Variants in PTPRD observed in about 807,000 individuals in gnomAD.
PTPRD encodes the protein protein tyrosine phosphatase receptor type D.
In PTPRD, 34 loss-of-function variants were observed where a neutral mutation model predicts 214.5. The ratio of observed to expected loss-of-function variants is 0.16; its 90% CI spans 0.12 to 0.21. PTPRD has a LOEUF of 0.21. PTPRD is among the 10% of genes least tolerant of loss of function. The probability of loss-of-function intolerance (pLI) is 1.00; values close to 1 mark genes in which losing one functional copy is unlikely to be tolerated. For missense variants in PTPRD, 2,545 were observed against 2,398.7 expected, an observed-to-expected ratio of 1.06 and a Z score of -1.27; for synonymous variants, 1,128 against 845.7, an observed-to-expected ratio of 1.33 and a Z score of -5.79.
At chr9:8,595,632 T>C (rs928079861) in intron 14 of PTPRD, among the ~76,000 whole-genome samples, 2 of 152,180 alleles carry the variant, frequency 1.3e-5, no homozygotes, top group Non-Finnish European at 2.9e-5. Context: ...GCTTAGAAAG[T>C]TTAGTTTTGT....
At chr9:8,832,559 G>C (rs112527739) in intron 11 of PTPRD, among the ~76,000 whole-genome samples, 141 of 152,022 alleles carry the variant, frequency 9.3e-4, no homozygotes, top group African/African-American at 3.3e-3. Flanking sequence ...ACTGAACGAG[G>C]TCACAATATA....
chr9:8,784,186 A>G (rs2095848516), intron 11 of PTPRD, among the ~76,000 whole-genome samples: 1 of 152,198 alleles, frequency 6.6e-6, no homozygotes, highest in African/African-American at 2.4e-5. Context: ...TGCCAAGCTA[A>G]TAATGGCTTC....
chr9:9,795,833 G>T (rs1234284124), intron 5 of PTPRD, among the ~76,000 whole-genome samples: 3 of 151,882 alleles, frequency 2.0e-5, no homozygotes, highest in Non-Finnish European at 4.4e-5. Flanking sequence ...GGGAGTTCCA[G>T]ACTAAACAGT....
intron 9 of PTPRD, among the ~76,000 whole-genome samples, chr9:9,332,621 C>A (rs752779090): frequency 4.6e-5 from 7 of 151,018 alleles, no homozygotes; most frequent in Non-Finnish European, 8.9e-5. Flanking sequence ...AGTCTCTCCC[C>A]AGGATTACGT....
intron 2 of PTPRD, among the ~76,000 whole-genome samples, chr9:10,415,063 C>T (rs551320194): frequency 6.6e-6 from 1 of 151,490 alleles, no homozygotes; most frequent in South Asian, 2.1e-4. Flanking sequence ...ACATAACAAA[C>T]CTGCACATAT....
chr9:8,595,081 T>G (rs1356033834), intron 14 of PTPRD, among the ~76,000 whole-genome samples: 1 of 151,742 alleles, frequency 6.6e-6, no homozygotes, highest in African/African-American at 2.4e-5. Flanking sequence ...GCCAAAATGG[T>G]CTAGATCTCC....
At chr9:8,698,673 G>A (rs978515182) in intron 12 of PTPRD, among the ~76,000 whole-genome samples, 9 of 152,172 alleles carry the variant, frequency 5.9e-5, no homozygotes, top group South Asian at 4.2e-4. Flanking sequence ...TACACCTGCC[G>A]CCTCATGGTG....
chr9:9,629,003 C>T (rs1361358902), intron 7 of PTPRD, among the ~76,000 whole-genome samples: 1 of 151,558 alleles, frequency 6.6e-6, no homozygotes, highest in Non-Finnish European at 1.5e-5. Context: ...GAAACCCCAT[C>T]TCTACCAAAA....
At chr9:10,482,137 C>T (rs887853565) in intron 2 of PTPRD, among the ~76,000 whole-genome samples, 15 of 152,076 alleles carry the variant, frequency 9.9e-5, no homozygotes, top group South Asian at 4.2e-4. Context: ...TTTGGGAGGC[C>T]CAGGCGGGAG....
At chr9:9,212,921 G>A (rs1470657793) in intron 9 of PTPRD, among the ~76,000 whole-genome samples, 1 of 152,084 alleles carries the variant, frequency 6.6e-6, no homozygotes, top group Non-Finnish European at 1.5e-5. Context: ...CGTGCCTTTG[G>A]TTTATCACTG....
rs911149304 is a variant in PTPRD at position 9,427,645 on chromosome 9, T to C, written c.-236-30163A>G. 3.4e-4 allele frequency among the ~76,000 whole-genome samples: 52 copies of C among 152,062 alleles called. 1 individual carries two copies. Among genetic ancestry groups the C allele is most frequent in the African/African-American group, 1.2e-3 (48 of 41,382 alleles). On this transcript the variant is annotated intron_variant, in intron 8 of 45. Transcript: ENST00000381196. ...CAAAGTTGAAAAGAAGGAGAAAATG[T>C]TAAGGGCAGCCAGAGAGAAAGGTTG...
chr9:8,600,400 G>C (rs1331063631), intron 14 of PTPRD, among the ~76,000 whole-genome samples: 1 of 152,112 alleles, frequency 6.6e-6, no homozygotes, highest in Non-Finnish European at 1.5e-5. Flanking sequence ...TGGACTGGAG[G>C]GGCATGTAAC....
chr9:9,871,585 C>A (rs2065444517), intron 5 of PTPRD, among the ~76,000 whole-genome samples: 1 of 151,532 alleles, frequency 6.6e-6, no homozygotes, highest in Non-Finnish European at 1.5e-5. Context: ...AGATTATCTT[C>A]TGGAAAGGGG....
chr9:10,480,268 G>A lies in PTPRD; in HGVS notation c.-600+132130C>T, dbSNP rs555588201. ...GCACATATCTAATTTTCTCAAACAT[G>A]ACTTTGAGGGTCACAAGTTCTATCC... On this transcript the variant is annotated intron_variant, in intron 2 of 45. Coordinates refer to ENST00000381196, the MANE Select transcript of PTPRD (RefSeq NM_002839.4). Among the ~76,000 whole-genome samples, 117 of 152,260 alleles carry A rather than the reference G, an allele frequency of 7.7e-4. 1 individual carries two copies. The highest frequency in any genetic ancestry group is 2.6e-3 in the African/African-American group (107 of 41,538).
chr9:9,894,211 GTC>G (rs1270760164), intron 5 of PTPRD, among the ~76,000 whole-genome samples: 1 of 151,938 alleles, frequency 6.6e-6, no homozygotes, highest in Non-Finnish European at 1.5e-5. Flanking sequence ...CTCCTGGCTG[GTC>G]TCTCTGCCTC....
At chr9:10,187,953 T>C (rs1030545253) in intron 3 of PTPRD, among the ~76,000 whole-genome samples, 8 of 152,204 alleles carry the variant, frequency 5.3e-5, no homozygotes, top group African/African-American at 1.9e-4. Context: ...GTTTTCTCTT[T>C]GTTTATGGAA....
At chr9:8,861,685 T>C (rs1279305975) in intron 11 of PTPRD, 2 of 152,232 alleles carry the variant, frequency 1.3e-5, no homozygotes, top group East Asian at 1.9e-4. Context: ...ATAGTGATGA[T>C]AAATTATTGA....
chr9:9,529,474 C>G (rs1177544203), intron 8 of PTPRD, among the ~76,000 whole-genome samples: 1 of 151,972 alleles, frequency 6.6e-6, no homozygotes, highest in Non-Finnish European at 1.5e-5. Flanking sequence ...TTTTTAAAGT[C>G]ATTAATTTCA....
At chr9:9,203,187 A>G (rs2132390930) in intron 9 of PTPRD, among the ~76,000 whole-genome samples, 1 of 152,136 alleles carries the variant, frequency 6.6e-6, no homozygotes, top group South Asian at 2.1e-4. Context: ...CCGAGATCGC[A>G]CCATTATACC....
Sources: gnomAD v4.1 joint callset for allele counts (sites outside exome capture counted in the v4.1 genomes callset) on GRCh38, gnomAD v4.1.1 for gene constraint, MANE v1.5 for transcripts, NCBI Gene and HGNC (gene_info 2026-07-23, HGNC 2026-07-21) for gene names.